NTMT2: variants seen among roughly 807,000 people sequenced by gnomAD.
The protein encoded by NTMT2 is N-terminal Xaa-Pro-Lys N-methyltransferase 2, also known as X-Pro-Lys N-terminal protein methyltransferase 1B.
A neutral mutation model predicts 23.4 loss-of-function variants in NTMT2; 21 were observed. The ratio of observed to expected loss-of-function variants is 0.90; its 90% CI spans 0.64 to 1.29. The LOEUF (loss-of-function observed/expected upper bound fraction) is 1.29. Ranked by LOEUF, NTMT2 falls within the 50% of genes most tolerant of loss-of-function variation. The probability of loss-of-function intolerance (pLI) is 0.00; values close to 1 mark genes in which losing one functional copy is unlikely to be tolerated. For synonymous variants in NTMT2, 131 were observed against 127.7 expected (o/e 1.03, Z -0.17); for missense variants, 336 against 352.0 (o/e 0.95, Z 0.36).
At chr1:170,160,801 C>A in intron 2 of NTMT2, 108 bp downstream of exon 2, 3 of 963,202 alleles carry the variant, frequency 3.1e-6, no homozygotes, top group Non-Finnish European at 4.4e-6. Flanking sequence ...ATGACCCAGC[C>A]AAGAGTTCTG....
chr1:170,147,130 G>T (rs1198466993), intron 1 of NTMT2, among the ~76,000 whole-genome samples: 1 of 152,162 alleles, frequency 6.6e-6, no homozygotes, highest in African/African-American at 2.4e-5. Context: ...TGTCGAAGCA[G>T]CTACATAATT....
intron 1 of NTMT2, 87 bp from the exon 2 acceptor site, chr1:170,160,431 A>T: frequency 8.3e-7 from 1 of 1,206,658 alleles, no homozygotes; most frequent in Non-Finnish European, 1.1e-6. Flanking sequence ...ACAGATTCAC[A>T]GGCTTTTAAA....
chr1:170,161,536 C>T (rs112305592), intron 2 of NTMT2: 19 of 152,216 alleles, frequency 1.2e-4, no homozygotes, highest in African/African-American at 3.1e-4. Flanking sequence ...GGTTCTTCTG[C>T]TTAATGTATA....
intron 2 of NTMT2, among the ~76,000 whole-genome samples, chr1:170,164,437 C>T (rs888155327): frequency 2.0e-5 from 3 of 152,224 alleles, no homozygotes; most frequent in African/African-American, 7.2e-5. Context: ...TCTCCATATA[C>T]TGCTCATCTT....
At chr1:170,161,961 G>A (rs778490264) in intron 2 of NTMT2, among the ~76,000 whole-genome samples, 3 of 152,036 alleles carry the variant, frequency 2.0e-5, no homozygotes, top group Admixed American at 6.6e-5. Context: ...GTGGTGTTGC[G>A]CGCCTGTAGT....
At chr1:170,162,962 G>A (rs757824961) in intron 2 of NTMT2, among the ~76,000 whole-genome samples, 1 of 151,780 alleles carries the variant, frequency 6.6e-6, no homozygotes, top group Non-Finnish European at 1.5e-5. Flanking sequence ...TGCTTGCCTC[G>A]TGGTGAGGCC....
intron 1 of NTMT2, among the ~76,000 whole-genome samples, chr1:170,156,852 A>ATGTTGC (rs1472168604): frequency 6.6e-6 from 1 of 152,090 alleles, no homozygotes; most frequent in Non-Finnish European, 1.5e-5. Flanking sequence ...TGTGGTCTAA[A>ATGTTGC]TGTTGCTGGC....
Position 170,167,671 on chromosome 1 carries a change from GTGC to G in NTMT2, c.769_771del (p.Leu257del). 1 of 1,551,702 alleles carries G rather than the reference GTGC, an allele frequency of 6.4e-7. No homozygotes were observed. The highest frequency in any genetic ancestry group is 1.4e-5 in the African/African-American group (1 of 73,152). On this transcript the variant is annotated inframe_deletion, in exon 4 of 4. Coordinates refer to ENST00000439373, the MANE Select transcript of NTMT2 (RefSeq NM_001136107.2). ...CCTAATAAGGAAGAGTGGGCTGGTGGTGCTGGGCCAGGAGAAGCAGGATGGCTT... is the reference window on the plus strand; with the variant it reads ...CCTAATAAGGAAGAGTGGGCTGGTGGTGGGCCAGGAGAAGCAGGATGGCTT...
intron 1 of NTMT2, chr1:170,151,487 G>C (rs1464914536): frequency 6.5e-6 from 1 of 153,820 alleles, no homozygotes; most frequent in Non-Finnish European, 1.5e-5. Flanking sequence ...AAAAGCACTT[G>C]GAACTTCCAG....
At chr1:170,146,644 TAAAA>T (rs1672969863) in intron 1 of NTMT2, among the ~76,000 whole-genome samples, 2 of 152,152 alleles carry the variant, frequency 1.3e-5, no homozygotes, top group South Asian at 4.1e-4. Context: ...GAGTAAGAGT[TAAAA>T]AGAAAGACTA....
intron 2 of NTMT2, among the ~76,000 whole-genome samples, chr1:170,165,888 T>A (rs1453352521): frequency 3.9e-5 from 6 of 151,918 alleles, no homozygotes; most frequent in Non-Finnish European, 7.4e-5. Flanking sequence ...CCTAAGATAT[T>A]ATTTTTTTAA....
chr1:170,165,809 G>A (rs1571827718), intron 2 of NTMT2, among the ~76,000 whole-genome samples: 1 of 149,164 alleles, frequency 6.7e-6, no homozygotes, highest in African/African-American at 2.5e-5. Context: ...AGTCATTAAA[G>A]TTTTATCTTC....
intron 2 of NTMT2, among the ~76,000 whole-genome samples, chr1:170,164,362 T>A (rs371826725): frequency 3.9e-4 from 60 of 152,204 alleles, no homozygotes; most frequent in Middle Eastern, 3.4e-3. Context: ...AAAAGAAAAA[T>A]TTGAAATGAG....
At chr1:170,164,260 G>T (rs544892913) in intron 2 of NTMT2, among the ~76,000 whole-genome samples, 1 of 152,222 alleles carries the variant, frequency 6.6e-6, no homozygotes, top group African/African-American at 2.4e-5. Flanking sequence ...AAAGTTCATG[G>T]TGCTTTATTG....
At chr1:170,165,589 G>A in intron 2 of NTMT2, among the ~76,000 whole-genome samples, 1 of 152,166 alleles carries the variant, frequency 6.6e-6, no homozygotes, top group Non-Finnish European at 1.5e-5. Context: ...CCACCTAAGA[G>A]GAGTAGATAA....
At chr1:170,154,763 T>TG (rs1673133463) in intron 1 of NTMT2, among the ~76,000 whole-genome samples, 1 of 151,664 alleles carries the variant, frequency 6.6e-6, no homozygotes, top group Non-Finnish European at 1.5e-5. Context: ...GTTAAGACTT[T>TG]GGGGGACTAT....
Position 170,147,825 on chromosome 1 carries a change from G to GT in NTMT2, c.154+1565dup, listed in dbSNP as rs138432043. 6.1e-3 allele frequency among the ~76,000 whole-genome samples: 936 copies of GT among 152,282 alleles called. 3 individuals carry two copies. Among genetic ancestry groups the GT allele is most frequent in the Non-Finnish European group, 0.01 (702 of 68,012 alleles). ...ATGAGTTAAAAAGTTGAATACAATA[G>GT]TCTCTTCTGAAAAGCAGATGAAAAT... is the stretch of plus-strand genomic sequence containing the variant. On this transcript the variant is annotated intron_variant, in intron 1 of 3. Coordinates refer to ENST00000439373, the MANE Select transcript of NTMT2 (RefSeq NM_001136107.2).
rs185760711 is a variant in NTMT2 at position 170,165,173 on chromosome 1, G to A, written c.331-1329G>A. Among the ~76,000 whole-genome samples, 108 of 152,118 alleles carry A rather than the reference G, an allele frequency of 7.1e-4. 2 individuals are homozygous for A. The highest frequency in any genetic ancestry group is 6.0e-3 in the East Asian group (31 of 5,176). On this transcript the variant is annotated intron_variant, in intron 2 of 3. Coordinates refer to ENST00000439373, the MANE Select transcript of NTMT2 (RefSeq NM_001136107.2). ...TTACTGTAATTTCTAGCACAAAACC[G>A]CTTCAGCAGCCATCCCAATTATGAC...
intron 2 of NTMT2, among the ~76,000 whole-genome samples, chr1:170,163,119 G>A (rs1557909020): frequency 1.3e-5 from 2 of 152,136 alleles, no homozygotes; most frequent in South Asian, 2.1e-4. Context: ...ACAGCCTTGC[G>A]CTAGCATATT....
Sources: allele counts gnomAD v4.1 joint callset (sites outside exome capture counted in the v4.1 genomes callset), GRCh38; gene constraint gnomAD v4.1.1; transcripts MANE v1.5; gene names NCBI Gene and HGNC (gene_info 2026-07-23, HGNC 2026-07-21).